Variants in TMCO5A observed in about 807,000 individuals in gnomAD.
TMCO5A encodes the protein transmembrane and coiled-coil domains 5A.
In TMCO5A, 34 loss-of-function variants were observed where a neutral mutation model predicts 42.3. That is an observed-to-expected ratio of 0.80 (90% CI 0.61 to 1.07). The LOEUF (loss-of-function observed/expected upper bound fraction) is 1.07, where lower values mean the gene tolerates loss of function less well. Ranked by LOEUF, TMCO5A falls within the 50% of genes least tolerant of loss-of-function variation. The probability of loss-of-function intolerance (pLI) is 0.00; values close to 1 mark genes in which losing one functional copy is unlikely to be tolerated. For synonymous variants in TMCO5A, 131 were observed against 115.6 expected (o/e 1.13, Z -0.86); for missense variants, 357 against 327.9 (o/e 1.09, Z -0.69).
chr15:37,992,853 A>G, the TMCO5A span, among the ~76,000 whole-genome samples: 1 of 152,146 alleles, frequency 6.6e-6, no homozygotes, highest in Non-Finnish European at 1.5e-5. Context: ...ACCTGAGAGT[A>G]GAGGATGGGA....
the TMCO5A span, among the ~76,000 whole-genome samples, chr15:38,033,921 A>G: frequency 1.1e-4 from 16 of 152,242 alleles, no homozygotes; most frequent in African/African-American, 3.8e-4. Context: ...GTCCCCCTCC[A>G]TGTCTTAGTC....
the TMCO5A span, among the ~76,000 whole-genome samples, chr15:38,001,512 T>G: frequency 1.7e-3 from 260 of 151,916 alleles, 2 homozygotes; most frequent in Admixed American, 0.014. Context: ...CATTCAATGT[T>G]ATTATTGATA....
At chr15:38,000,227 T>G in the TMCO5A span, among the ~76,000 whole-genome samples, 1 of 152,222 alleles carries the variant, frequency 6.6e-6, no homozygotes, top group Non-Finnish European at 1.5e-5. Context: ...GGTTTTGAAT[T>G]TCTTCATGAT....
chr15:37,993,018 T>C, the TMCO5A span, among the ~76,000 whole-genome samples: 1 of 152,308 alleles, frequency 6.6e-6, no homozygotes, highest in South Asian at 2.1e-4. Flanking sequence ...TTTTAAAAAA[T>C]TAAAATATTT....
At chr15:37,972,524 T>C (rs1262790939), downstream of TMCO5A, among the ~76,000 whole-genome samples, 2 of 152,238 alleles carry the variant, frequency 1.3e-5, no homozygotes, top group Non-Finnish European at 2.9e-5. Context: ...TTTACATTTC[T>C]CTGATGATTA....
At chr15:37,992,247 A>G in the TMCO5A span, among the ~76,000 whole-genome samples, 2 of 152,186 alleles carry the variant, frequency 1.3e-5, no homozygotes, top group African/African-American at 2.4e-5. Flanking sequence ...GTATTTTTTA[A>G]AAGTTCAATA....
At chr15:38,030,176 T>C in the TMCO5A span, among the ~76,000 whole-genome samples, 1 of 152,188 alleles carries the variant, frequency 6.6e-6, no homozygotes. Context: ...ATATTGATTG[T>C]CTCCTAGCCC....
intron 1 of TMCO5A, among the ~76,000 whole-genome samples, chr15:37,934,899 G>C (rs1453191661): frequency 6.6e-6 from 1 of 152,262 alleles, no homozygotes; most frequent in East Asian, 1.9e-4. Context: ...GGGCTTTATG[G>C]AAAGCAACTG....
At chr15:38,007,424 A>T in the TMCO5A span, among the ~76,000 whole-genome samples, 1 of 152,236 alleles carries the variant, frequency 6.6e-6, no homozygotes, top group Non-Finnish European at 1.5e-5. Flanking sequence ...AACCACAGCA[A>T]TTCAGGAACT....
chr15:37,938,119 C>CGTAG, intron 5 of TMCO5A, 39 bp from the exon 6 acceptor site: 1 of 1,515,710 alleles, frequency 6.6e-7, no homozygotes, highest in Non-Finnish European at 9.0e-7. Flanking sequence ...TTGCCTTCTA[C>CGTAG]ACCTTTTAAT....
rs749112892 is a variant in TMCO5A at position 37,951,066 on chromosome 15, A to G, written c.699A>G (p.Leu233=). 16 of 1,612,188 alleles carry G rather than the reference A, an allele frequency of 9.9e-6. No homozygotes were observed. The highest frequency in any genetic ancestry group is 6.7e-5 in the East Asian group (3 of 44,854). ...TTTGCTGTCTCTTTTTCATCACCCT[A>G]TTTTTCATCAGACTGCTGAGCTACA... ...KIFCCLFFIT[L]FFIRLLSYMF... is the part of the protein sequence containing the mutation. Residue 233 remains leucine, a synonymous_variant, in exon 12 of 12, where the codon CTA becomes CTG. Transcript: ENST00000319669.
chr15:37,985,129 G>A, the TMCO5A span, among the ~76,000 whole-genome samples: 1 of 151,586 alleles, frequency 6.6e-6, no homozygotes, highest in Non-Finnish European at 1.5e-5. Context: ...AGAGTGGGTG[G>A]CTTCTTCTGA....
the TMCO5A span, among the ~76,000 whole-genome samples, chr15:37,981,193 A>G: frequency 7.0e-6 from 1 of 143,164 alleles, no homozygotes; most frequent in Non-Finnish European, 1.5e-5. Flanking sequence ...AAGGTAGAGA[A>G]AGCCAGCAAA....
At chr15:38,024,553 A>T in the TMCO5A span, 1 of 152,200 alleles carries the variant, frequency 6.6e-6, no homozygotes, top group Non-Finnish European at 1.5e-5. Context: ...GGAAGCCCCA[A>T]ACAAAAGATT....
intron 10 of TMCO5A, chr15:37,944,530 C>T (rs1345900032): frequency 6.6e-6 from 1 of 152,096 alleles, no homozygotes; most frequent in African/African-American, 2.4e-5. Flanking sequence ...CTTACTCAAA[C>T]TATAGATCAA....
At chr15:38,022,133 C>T in the TMCO5A span, among the ~76,000 whole-genome samples, 3,959 of 152,208 alleles carry the variant, frequency 0.026, 191 homozygotes, top group African/African-American at 0.091. Flanking sequence ...ACTAATCATA[C>T]GCTTATCATA....
chr15:37,963,702 A>G (rs769714499), intron 11 of TMCO5A, among the ~76,000 whole-genome samples: 5 of 152,036 alleles, frequency 3.3e-5, no homozygotes, highest in Non-Finnish European at 5.9e-5. Flanking sequence ...TCTTAAGTCT[A>G]TTAGTAATTG....
At chr15:37,966,328 G>A (rs1890555403) in intron 11 of TMCO5A, among the ~76,000 whole-genome samples, 1 of 151,862 alleles carries the variant, frequency 6.6e-6, no homozygotes, top group Non-Finnish European at 1.5e-5. Flanking sequence ...TAGCAAAACA[G>A]GGTGACTATC....
chr15:37,984,706 T>G, the TMCO5A span: 2 of 144,472 alleles, frequency 1.4e-5, no homozygotes, highest in Non-Finnish European at 3.0e-5. Flanking sequence ...TTTTTTTTTT[T>G]TTTTGCCTTT....
Sources: allele counts gnomAD v4.1 joint callset (sites outside exome capture counted in the v4.1 genomes callset), GRCh38; gene constraint gnomAD v4.1.1; transcripts MANE v1.5; gene names NCBI Gene and HGNC (gene_info 2026-07-23, HGNC 2026-07-21).